LHPP: variants seen among roughly 807,000 people sequenced by gnomAD.
LHPP encodes the protein phospholysine phosphohistidine inorganic pyrophosphate phosphatase, also known as hLHPP.
In LHPP, 24 loss-of-function variants were observed where a neutral mutation model predicts 30.3. The observed-to-expected ratio is 0.79, with a 90% CI of 0.57 to 1.11. The LOEUF (loss-of-function observed/expected upper bound fraction) is 1.11, where lower values mean the gene tolerates loss of function less well. Among genes scored for constraint, LHPP ranks in the 50% most tolerant of loss-of-function variants. The probability of loss-of-function intolerance (pLI) is 0.00; values close to 1 mark genes in which losing one functional copy is unlikely to be tolerated. For missense variants in LHPP, 356 were observed against 367.2 expected (o/e 0.97, Z 0.25); for synonymous variants, 150 against 157.1 (o/e 0.95, Z 0.34).
At position 124,613,764 on chromosome 10, in the gene LHPP, C is replaced by T. The variant is rs1297489601; in HGVS notation, c.*404C>T. 4 of 244,610 alleles carry T rather than the reference C, an allele frequency of 1.6e-5. No homozygotes were observed. Among genetic ancestry groups the T allele is most frequent in the Admixed American group, 5.0e-5 (1 of 20,072 alleles). 15.2% of individuals were successfully genotyped at this position (244,610 alleles called of 1,614,324 possible). A position where few individuals can be genotyped will look rare whatever the true frequency, so the allele number is the denominator to read the frequency against. On this transcript the variant is annotated 3_prime_UTR_variant, in exon 7 of 7. Coordinates refer to ENST00000368842, the MANE Select transcript of LHPP (RefSeq NM_022126.4). ...TAACCAGATTCAGGGGCACTATGCC[C>T]ACTGCCTCCTCTTCAGACTCTTTGC...
intron 6 of LHPP, among the ~76,000 whole-genome samples, chr10:124,575,899 C>G (rs11245300): frequency 1.3e-5 from 2 of 152,136 alleles, no homozygotes; most frequent in Admixed American, 1.3e-4. Context: ...GGTGCCTGGA[C>G]GGCAGAGAGC....
chr10:124,604,894 C>T (rs1360923893), intron 6 of LHPP, among the ~76,000 whole-genome samples: 2 of 152,358 alleles, frequency 1.3e-5, no homozygotes, highest in Non-Finnish European at 2.9e-5. Context: ...TGCCCCTTCC[C>T]CTGCCCCTGC....
chr10:124,470,454 CTG>C (rs1487702563), intron 1 of LHPP, among the ~76,000 whole-genome samples: 1 of 152,086 alleles, frequency 6.6e-6, no homozygotes, highest in African/African-American at 2.4e-5. Flanking sequence ...TCTCAATCCC[CTG>C]TGTGTCTGGG....
chr10:124,578,502 C>T (rs532091835), intron 6 of LHPP, among the ~76,000 whole-genome samples: 1 of 152,346 alleles, frequency 6.6e-6, no homozygotes, highest in East Asian at 1.9e-4. Flanking sequence ...GAAGGACTGG[C>T]GGGACGCAAA....
chr10:124,604,921 G>A (rs368695524), intron 6 of LHPP, among the ~76,000 whole-genome samples: 11 of 152,242 alleles, frequency 7.2e-5, no homozygotes, highest in Admixed American at 6.5e-5. Context: ...GAGAGGAGGC[G>A]GGTGGGCCAC....
intron 5 of LHPP, among the ~76,000 whole-genome samples, chr10:124,514,652 A>G (rs1454411559): frequency 2.0e-5 from 3 of 152,176 alleles, no homozygotes; most frequent in Non-Finnish European, 4.4e-5. Context: ...TTTGATTATG[A>G]TGTGCCTTAA....
intron 6 of LHPP, among the ~76,000 whole-genome samples, chr10:124,520,210 G>T (rs756779108): frequency 1.3e-5 from 2 of 151,930 alleles, no homozygotes; most frequent in African/African-American, 2.4e-5. Flanking sequence ...TATCATGGGG[G>T]TTTATTGTAC....
intron 6 of LHPP, among the ~76,000 whole-genome samples, chr10:124,526,689 G>C (rs1487719686): frequency 6.6e-6 from 1 of 152,170 alleles, no homozygotes; most frequent in Non-Finnish European, 1.5e-5. Context: ...GGGGGCTTCT[G>C]ACCTAGGGCA....
At chr10:124,514,313 A>G (rs1954391429) in intron 5 of LHPP, among the ~76,000 whole-genome samples, 1 of 152,170 alleles carries the variant, frequency 6.6e-6, no homozygotes, top group Non-Finnish European at 1.5e-5. Context: ...GTTGATGTGT[A>G]TTTCCAGCTA....
chr10:124,538,376 C>A (rs1955092547), intron 6 of LHPP, among the ~76,000 whole-genome samples: 1 of 152,182 alleles, frequency 6.6e-6, no homozygotes, highest in Admixed American at 6.5e-5. Context: ...TTCTCTCAGC[C>A]CTTTGGGATG....
chr10:124,542,129 G>A (rs11245273), intron 6 of LHPP, among the ~76,000 whole-genome samples: 2 of 152,270 alleles, frequency 1.3e-5, no homozygotes, highest in East Asian at 1.9e-4. Flanking sequence ...TGGGACCGCA[G>A]TTAGAGCTGA....
chr10:124,522,959 C>A (rs1954645572), intron 6 of LHPP, among the ~76,000 whole-genome samples: 1 of 152,220 alleles, frequency 6.6e-6, no homozygotes, highest in Non-Finnish European at 1.5e-5. Context: ...CCCCACCAAC[C>A]TGTGTTCCTG....
chr10:124,462,760 C>G (rs1564760376), intron 1 of LHPP, among the ~76,000 whole-genome samples: 1 of 152,250 alleles, frequency 6.6e-6, no homozygotes, highest in Non-Finnish European at 1.5e-5. Flanking sequence ...TGCAATGGCA[C>G]GATCTCGGCT....
At chr10:124,465,426 A>G (rs1236530477) in intron 1 of LHPP, among the ~76,000 whole-genome samples, 1 of 152,218 alleles carries the variant, frequency 6.6e-6, no homozygotes, top group East Asian at 1.9e-4. Context: ...CAAATGTAAA[A>G]AGTGAGACAT....
chr10:124,563,242 C>T lies in LHPP; in HGVS notation c.716+45971C>T, dbSNP rs1004835818. ...AATCCAGGTGTCCTTCAGTGGGTGA[C>T]GAGAGGAACTACATCCATGTCATGC... is the stretch of plus-strand genomic sequence containing the variant. On this transcript the variant is annotated intron_variant, in intron 6 of 6. Transcript: ENST00000368842. 8.6e-5 allele frequency among the ~76,000 whole-genome samples: 13 copies of T among 150,830 alleles called. No homozygotes were observed. In the East Asian group the frequency reaches 9.8e-4, roughly 11 times the overall value.
chr10:124,516,357 G>A (rs182284231), intron 5 of LHPP, among the ~76,000 whole-genome samples: 9 of 152,124 alleles, frequency 5.9e-5, no homozygotes, highest in African/African-American at 2.2e-4. Flanking sequence ...GACCTCATTC[G>A]CCCTTAAAGA....
intron 1 of LHPP, among the ~76,000 whole-genome samples, chr10:124,479,724 G>A (rs891729801): frequency 6.6e-6 from 1 of 152,166 alleles, no homozygotes; most frequent in Non-Finnish European, 1.5e-5. Flanking sequence ...CCACCCTTAT[G>A]CCTTCATTTC....
chr10:124,467,804 C>T (rs1287326567), intron 1 of LHPP, among the ~76,000 whole-genome samples: 2 of 151,998 alleles, frequency 1.3e-5, no homozygotes, highest in African/African-American at 2.4e-5. Flanking sequence ...CAGCCTCCGC[C>T]TCCTGGGTTC....
chr10:124,503,610 T>G (rs532793280), intron 5 of LHPP, among the ~76,000 whole-genome samples: 1 of 152,122 alleles, frequency 6.6e-6, no homozygotes, highest in African/African-American at 2.4e-5. Context: ...TGTAAAACAT[T>G]TATATGGTTC....
Sources: gnomAD v4.1 joint callset for allele counts (sites outside exome capture counted in the v4.1 genomes callset) on GRCh38, gnomAD v4.1.1 for gene constraint, MANE v1.5 for transcripts, NCBI Gene and HGNC (gene_info 2026-07-23, HGNC 2026-07-21) for gene names.